MTCL3: variants seen among roughly 807,000 people sequenced by gnomAD.
MTCL3 encodes the protein MTCL family member 3.
the MTCL3 span, among the ~76,000 whole-genome samples, chr6:127,476,645 T>G: frequency 6.6e-6 from 1 of 152,152 alleles, no homozygotes; most frequent in African/African-American, 2.4e-5. This position sits in a 1 kb window ranked among gnomAD's most constrained non-coding sequence, Gnocchi z 4.4. Flanking sequence ...TCTGGCAAAT[T>G]AAAGATTAGA....
the MTCL3 span, among the ~76,000 whole-genome samples, chr6:127,478,033 G>A: frequency 1.3e-5 from 2 of 152,150 alleles, no homozygotes; most frequent in African/African-American, 2.4e-5. Context: ...TCTAGGAGAG[G>A]TTTAGAAGAA....
the MTCL3 span, among the ~76,000 whole-genome samples, chr6:127,482,383 T>G: frequency 6.6e-6 from 1 of 152,232 alleles, no homozygotes; most frequent in Non-Finnish European, 1.5e-5. The surrounding 1 kb of genome is among the most constrained non-coding windows in gnomAD (Gnocchi z 4.1). Flanking sequence ...GTGGCTGTGC[T>G]TCTAAGGTTT....
the MTCL3 span, among the ~76,000 whole-genome samples, chr6:127,514,390 A>G: frequency 6.6e-6 from 1 of 152,190 alleles, no homozygotes; most frequent in African/African-American, 2.4e-5. Flanking sequence ...TTCCCAGTGC[A>G]GTTCCTATTT....
chr6:127,486,705 T>G, the MTCL3 span, among the ~76,000 whole-genome samples: 3 of 151,998 alleles, frequency 2.0e-5, no homozygotes, highest in South Asian at 2.1e-4. Flanking sequence ...GAGGCTGCTG[T>G]TTTTTTTGAT....
the MTCL3 span, among the ~76,000 whole-genome samples, chr6:127,488,197 T>A: frequency 6.6e-6 from 1 of 152,170 alleles, no homozygotes; most frequent in African/African-American, 2.4e-5. Flanking sequence ...TCTTCCATCA[T>A]ATACTCTCAT....
chr6:127,505,223 G>T, the MTCL3 span, among the ~76,000 whole-genome samples: 9 of 152,222 alleles, frequency 5.9e-5, no homozygotes, highest in Non-Finnish European at 1.2e-4. Context: ...GCAATGGCGA[G>T]ATAACTGTGG....
At chr6:127,515,765 C>G in the MTCL3 span, 1 of 1,603,676 alleles carries the variant, frequency 6.2e-7, no homozygotes, top group Non-Finnish European at 8.5e-7. This position sits in a 1 kb window ranked among gnomAD's most constrained non-coding sequence, Gnocchi z 4.3. Context: ...CTGCTGCCGC[C>G]GCCGTTCTTA....
the MTCL3 span, among the ~76,000 whole-genome samples, chr6:127,513,751 A>G: frequency 6.6e-6 from 1 of 152,168 alleles, no homozygotes; most frequent in African/African-American, 2.4e-5. Flanking sequence ...TCAGCCTGGC[A>G]CCTATTAGCT....
chr6:127,483,572 T>C, the MTCL3 span, among the ~76,000 whole-genome samples: 3 of 152,188 alleles, frequency 2.0e-5, no homozygotes, highest in African/African-American at 7.2e-5. Flanking sequence ...TTCAGCTCAT[T>C]GTGTGATACA....
chr6:127,473,574 T>C, the MTCL3 span, among the ~76,000 whole-genome samples: 2 of 152,230 alleles, frequency 1.3e-5, no homozygotes, highest in African/African-American at 4.8e-5. Flanking sequence ...CTCTAATTTC[T>C]ATTATTTTCC....
At chr6:127,491,087 T>C in the MTCL3 span, among the ~76,000 whole-genome samples, 1 of 152,250 alleles carries the variant, frequency 6.6e-6, no homozygotes, top group African/African-American at 2.4e-5. Context: ...AAGGAAGTGA[T>C]TTCTTGAAAT....
chr6:127,485,484 T>C, the MTCL3 span, among the ~76,000 whole-genome samples: 1 of 152,156 alleles, frequency 6.6e-6, no homozygotes, highest in Non-Finnish European at 1.5e-5. Context: ...GAGCACTAAA[T>C]GCTCCTATTG....
the MTCL3 span, among the ~76,000 whole-genome samples, chr6:127,500,521 A>AT: frequency 0.09 from 13,624 of 151,988 alleles, 653 homozygotes; most frequent in African/African-American, 0.11. Flanking sequence ...AATACCTATA[A>AT]TTTTTTTTAA....
At chr6:127,475,153 G>A in the MTCL3 span, 12 of 819,598 alleles carry the variant, frequency 1.5e-5, no homozygotes, top group Non-Finnish European at 2.0e-5. This position sits in a 1 kb window ranked among gnomAD's most constrained non-coding sequence, Gnocchi z 7.3. Context: ...GAGGCCGGGG[G>A]TTTCAGGCCC....
At chr6:127,475,070 A>G in the MTCL3 span, among the ~76,000 whole-genome samples, 1 of 152,348 alleles carries the variant, frequency 6.6e-6, no homozygotes, top group African/African-American at 2.4e-5. The surrounding 1 kb of genome is among the most constrained non-coding windows in gnomAD (Gnocchi z 7.3). Flanking sequence ...ACAGAGGAAG[A>G]AATGGTGACT....
At chr6:127,507,055 CA>C in the MTCL3 span, among the ~76,000 whole-genome samples, 22 of 151,898 alleles carry the variant, frequency 1.4e-4, no homozygotes, top group Non-Finnish European at 8.8e-5. Context: ...AAACTGGCCT[CA>C]AAGAGTTCAG....
the MTCL3 span, among the ~76,000 whole-genome samples, chr6:127,489,384 G>C: frequency 2.0e-5 from 3 of 152,156 alleles, no homozygotes; most frequent in Non-Finnish European, 4.4e-5. Context: ...AAGTTTTCAA[G>C]TGAAAAGAAG....
chr6:127,485,206 GA>G, the MTCL3 span, among the ~76,000 whole-genome samples: 1 of 152,118 alleles, frequency 6.6e-6, no homozygotes, highest in South Asian at 2.1e-4. Flanking sequence ...GGGAGCTAGG[GA>G]TAATTTCCAA....
the MTCL3 span, among the ~76,000 whole-genome samples, chr6:127,511,966 C>T: frequency 1.3e-5 from 2 of 152,118 alleles, no homozygotes; most frequent in Non-Finnish European, 2.9e-5. Context: ...TTCTGCTTAT[C>T]CAAGCAGAGG....
Sources: gnomAD v4.1 joint callset for allele counts (sites outside exome capture counted in the v4.1 genomes callset) on GRCh38, gnomAD v4.1.1 for gene constraint, Gnocchi (gnomAD v3.1) non-coding constraint, MANE v1.5 for transcripts, NCBI Gene and HGNC (gene_info 2026-07-23, HGNC 2026-07-21) for gene names.